The following COL19A1 variants were observed in gnomAD, a reference collection of about 807,000 sequenced individuals.
The protein encoded by COL19A1 is collagen type XIX alpha 1 chain.
COL19A1 carries 159 observed loss-of-function variants against 190.2 expected under a neutral mutation model. The ratio of observed to expected loss-of-function variants is 0.84; its 90% confidence interval spans 0.73 to 0.95. COL19A1 has a LOEUF of 0.95. COL19A1 is among the 40% of genes least tolerant of loss of function. The pLI, the probability that COL19A1 is intolerant of heterozygous loss-of-function variation, is 0.00. For synonymous variants in COL19A1, 509 were observed against 458.9 expected (o/e 1.11, Z -1.39); for missense variants, 1,418 against 1,431.9 (o/e 0.99, Z 0.16).
chr6:70,071,051 C>T (rs1781515931), intron 15 of COL19A1, among the ~76,000 whole-genome samples: 2 of 151,974 alleles, frequency 1.3e-5, no homozygotes, highest in Admixed American at 1.3e-4. Flanking sequence ...TAAAGCAGAA[C>T]ATTTAATTTT....
At chr6:70,130,812 G>T (rs574796560) in intron 18 of COL19A1, among the ~76,000 whole-genome samples, 21 of 152,346 alleles carry the variant, frequency 1.4e-4, no homozygotes, top group Admixed American at 4.6e-4. Flanking sequence ...GACTTGTTTT[G>T]TAATTAAATG....
intron 11 of COL19A1, among the ~76,000 whole-genome samples, chr6:69,998,644 CAAAAAA>C (rs34860121): frequency 1.4e-3 from 93 of 67,278 alleles, no homozygotes; most frequent in African/African-American, 4.3e-3. Context: ...GACTCCCTCT[CAAAAAA>C]AAAAAAAAAA....
chr6:70,067,123 C>T lies in COL19A1; in HGVS notation c.1171-1300C>T, dbSNP rs181386858. Among the ~76,000 whole-genome samples, 143 of 152,222 alleles carry T rather than the reference C, an allele frequency of 9.4e-4. 1 individual carries two copies. The Middle Eastern group carries it at 0.024, about 26-fold the overall frequency. On this transcript the variant is annotated intron_variant, in intron 14 of 50. Transcript: ENST00000620364. Reference sequence around the variant, plus strand: ...AGTACTTGAGAGAAAAAGTGCAAGGCACTAGGAGACTGAAACAAGGCATTG... The same window carrying T: ...AGTACTTGAGAGAAAAAGTGCAAGGTACTAGGAGACTGAAACAAGGCATTG...
intron 7 of COL19A1, among the ~76,000 whole-genome samples, chr6:69,935,433 C>G (rs550031727): frequency 1.8e-4 from 28 of 152,004 alleles, no homozygotes; most frequent in South Asian, 2.1e-4. Flanking sequence ...GGTTATCTGA[C>G]TGGAAAGCCA....
intron 15 of COL19A1, chr6:70,098,299 T>C: frequency 2.5e-6 from 1 of 401,246 alleles, no homozygotes; most frequent in South Asian, 2.1e-5. Context: ...TATCCTAGCT[T>C]AAGGAGTAAA....
At chr6:70,161,797 G>A (rs1787823891) in intron 34 of COL19A1, 103 bp from the exon 35 acceptor site, 1 of 711,994 alleles carries the variant, frequency 1.4e-6, no homozygotes, top group African/African-American at 1.8e-5. Context: ...TTCTCGATTA[G>A]CTAAATAAGT....
At chr6:69,937,313 CTG>C (rs1428197065) in intron 8 of COL19A1, among the ~76,000 whole-genome samples, 1 of 152,084 alleles carries the variant, frequency 6.6e-6, no homozygotes, top group Non-Finnish European at 1.5e-5. Context: ...TCTGTATAGA[CTG>C]TGTTTTTCCA....
At chr6:70,040,679 C>T (rs980413388) in intron 14 of COL19A1, among the ~76,000 whole-genome samples, 3 of 151,794 alleles carry the variant, frequency 2.0e-5, no homozygotes, top group African/African-American at 7.3e-5. Context: ...ATGTGACTGC[C>T]TTGGAGAAAA....
At position 70,167,364 on chromosome 6, in the gene COL19A1, G is replaced by A. The variant is rs144910474; in HGVS notation, c.2446-661G>A. The stretch of plus-strand genomic sequence containing the variant: ...AAGATTCTAACTAAAATTTTTATAT[G>A]GAAATTTTTCCTAAATGCTAAAATG... On this transcript the variant is annotated intron_variant, in intron 37 of 50. Transcript: ENST00000620364. Among the ~76,000 whole-genome samples the A allele has an allele frequency of 2.7e-3, 405 of 152,148 alleles. 2 individuals carry two copies. The highest frequency in any genetic ancestry group is 9.1e-3 in the African/African-American group (378 of 41,486).
At chr6:69,968,951 A>T (rs1254738413) in intron 11 of COL19A1, among the ~76,000 whole-genome samples, 3 of 152,194 alleles carry the variant, frequency 2.0e-5, no homozygotes, top group African/African-American at 4.8e-5. Flanking sequence ...CATATCGTAA[A>T]ATAAATGGAT....
intron 11 of COL19A1, among the ~76,000 whole-genome samples, chr6:70,021,387 A>G (rs935467825): frequency 6.6e-6 from 1 of 152,112 alleles, no homozygotes; most frequent in Admixed American, 6.5e-5. Context: ...AGAGTTGCTT[A>G]TTCTTACCAT....
At chr6:70,175,781 T>C (rs1393094376) in intron 41 of COL19A1, among the ~76,000 whole-genome samples, 1 of 152,176 alleles carries the variant, frequency 6.6e-6, no homozygotes. Context: ...AATTTATAAA[T>C]TAGTTTAGTT....
intron 4 of COL19A1, among the ~76,000 whole-genome samples, chr6:69,916,920 A>C (rs1055546791): frequency 2.0e-5 from 3 of 152,152 alleles, no homozygotes; most frequent in Non-Finnish European, 4.4e-5. Context: ...TCAAGTTCCA[A>C]CCTGACCTCT....
intron 36 of COL19A1, among the ~76,000 whole-genome samples, chr6:70,164,965 A>G (rs1376562452): frequency 6.6e-6 from 1 of 152,242 alleles, no homozygotes; most frequent in Admixed American, 6.5e-5. Flanking sequence ...AAAAAATGGC[A>G]GGGTATTGGA....
In COL19A1 at chr6:70,211,113, T is replaced by C. The variant is rs960680011; in HGVS notation, c.*3839T>C. 1.3e-5 allele frequency among the ~76,000 whole-genome samples: 2 copies of C among 152,176 alleles called. No homozygotes were observed. Among genetic ancestry groups the C allele is most frequent in the Non-Finnish European group, 2.9e-5 (2 of 67,990 alleles). ...GCAGACAATTTATAAAACTACACAATGTCTAAACTCTATGTTGCTCAGTGT... is the reference window on the plus strand; with the variant it reads ...GCAGACAATTTATAAAACTACACAACGTCTAAACTCTATGTTGCTCAGTGT... On this transcript the variant is annotated 3_prime_UTR_variant, in exon 51 of 51. Transcript: ENST00000620364.
intron 9 of COL19A1, among the ~76,000 whole-genome samples, chr6:69,940,082 A>C (rs1037604672): frequency 6.6e-6 from 1 of 152,068 alleles, no homozygotes; most frequent in Non-Finnish European, 1.5e-5. Flanking sequence ...CTGAAAAAAA[A>C]AAATCTATGT....
chr6:69,900,953 C>T (rs1770151785), intron 4 of COL19A1, among the ~76,000 whole-genome samples: 1 of 151,876 alleles, frequency 6.6e-6, no homozygotes, highest in African/African-American at 2.4e-5. Flanking sequence ...CAAATAGTGA[C>T]AATTGGTCAG....
intron 4 of COL19A1, among the ~76,000 whole-genome samples, chr6:69,915,460 T>G (rs545303794): frequency 6.6e-6 from 1 of 152,354 alleles, no homozygotes; most frequent in South Asian, 2.1e-4. Context: ...CAGTTTTTAT[T>G]GGCTTCTCAT....
intron 11 of COL19A1, among the ~76,000 whole-genome samples, chr6:69,987,646 C>G (rs1776385201): frequency 6.6e-6 from 1 of 152,212 alleles, no homozygotes; most frequent in South Asian, 2.1e-4. Flanking sequence ...TATCACAGCT[C>G]TTTCTTTCAC....
Sources: gnomAD v4.1 joint callset for allele counts (sites outside exome capture counted in the v4.1 genomes callset) on GRCh38, gnomAD v4.1.1 for gene constraint, MANE v1.5 for transcripts, NCBI Gene and HGNC (gene_info 2026-07-23, HGNC 2026-07-21) for gene names.